The following ANK3 variants were observed in gnomAD, a reference collection of about 807,000 sequenced individuals.
ANK3 encodes the protein ankyrin-3.
In ANK3, 57 loss-of-function variants were observed where a neutral mutation model predicts 370.9. The ratio of observed to expected loss-of-function variants is 0.15; its 90% CI spans 0.12 to 0.19. The LOEUF (loss-of-function observed/expected upper bound fraction) is 0.19. ANK3 is among the 10% of genes least tolerant of loss of function. The pLI is 1.00. For synonymous variants in ANK3, 1,929 were observed against 1,946.3 expected (o/e 0.99, Z 0.23); for missense variants, 4,439 against 5,302.1 (o/e 0.84, Z 5.06).
chr10:60,103,044 G>A lies in ANK3; in HGVS notation c.3328+2861C>T, dbSNP rs918842916. On this transcript the variant is annotated intron_variant, in intron 28 of 43. Transcript: ENST00000280772. Reference sequence around the variant, plus strand: ...TGGCTCACTGCAACCTGCGCCTCCCGGGTTCAAGTGATTCTCTTGCCTCAG... The same window carrying A: ...TGGCTCACTGCAACCTGCGCCTCCCAGGTTCAAGTGATTCTCTTGCCTCAG... Among the ~76,000 whole-genome samples the A allele has an allele frequency of 7.9e-5, 12 of 151,882 alleles. 1 individual carries two copies. The highest frequency in any genetic ancestry group is 4.2e-4 in the South Asian group (2 of 4,812).
rs1188835132 is a variant in ANK3 at position 60,205,885 on chromosome 10, G to A, written c.1200C>T (p.Gly400=). 1.9e-6 allele frequency: 3 copies of A among 1,608,502 alleles called. No homozygotes were observed. The highest frequency in any genetic ancestry group is 1.6e-4 in the Middle Eastern group (1 of 6,082). The change falls in exon 11 of 44, where the codon GGC becomes GGT. Residue 400 remains glycine (G), a synonymous_variant. Coordinates refer to ENST00000280772, the MANE Select transcript of ANK3 (RefSeq NM_020987.5). ...KANPNAKALN[G]FTPLHIACKK... ...TGCAGGCAATATGAAGAGGGGTAAA[G>A]CCATTCTGCAAGGGACAAATACATA... is the stretch of plus-strand genomic sequence containing the variant.
chr10:60,105,769 G>C, intron 28 of ANK3, 136 bp downstream of exon 28: 1 of 822,826 alleles, frequency 1.2e-6, no homozygotes, highest in South Asian at 2.5e-5. Flanking sequence ...ATAGAAAACA[G>C]CAACAAAAGC....
upstream of ANK3, chr10:60,390,026 A>C (rs1302896454): frequency 8.6e-6 from 1 of 116,502 alleles, no homozygotes; most frequent in Non-Finnish European, 1.7e-5. Flanking sequence ...CAATTTATAC[A>C]TCACCACTAG....
chr10:60,542,180 A>G (rs1031268792), intron 2 of ANK3, among the ~76,000 whole-genome samples: 1 of 151,188 alleles, frequency 6.6e-6, no homozygotes, highest in African/African-American at 2.4e-5. Flanking sequence ...TGAATTTTGG[A>G]CTCATTTGAT....
At chr10:60,178,920 G>T (rs778498509) in intron 18 of ANK3, among the ~76,000 whole-genome samples, 4 of 152,072 alleles carry the variant, frequency 2.6e-5, no homozygotes, top group East Asian at 1.9e-4. Flanking sequence ...ATGCAAAAGG[G>T]GGGTGGGGTA....
intron 2 of ANK3, among the ~76,000 whole-genome samples, chr10:60,430,443 T>C (rs1442712123): frequency 6.6e-6 from 1 of 151,608 alleles, no homozygotes; most frequent in Non-Finnish European, 1.5e-5. Context: ...AACTCCAAAC[T>C]GGCAGGGCTT....
At chr10:60,549,663 T>C (rs2077046795) in intron 2 of ANK3, among the ~76,000 whole-genome samples, 1 of 152,154 alleles carries the variant, frequency 6.6e-6, no homozygotes. Flanking sequence ...TTGAGGACTA[T>C]CAAATTTATT....
upstream of ANK3, among the ~76,000 whole-genome samples, chr10:60,392,376 G>C (rs568810033): frequency 1.3e-5 from 2 of 150,784 alleles, no homozygotes; most frequent in Non-Finnish European, 2.9e-5. Context: ...AAACTGGTAT[G>C]AATCTTTAAA....
intron 2 of ANK3, among the ~76,000 whole-genome samples, chr10:60,482,890 A>T (rs539618892): frequency 4.5e-4 from 68 of 152,348 alleles, no homozygotes; most frequent in African/African-American, 1.6e-3. Context: ...AAGAAAAAAG[A>T]AATAAAAGAC....
chr10:60,147,692 G>C (rs1451614416), intron 23 of ANK3, among the ~76,000 whole-genome samples: 2 of 151,908 alleles, frequency 1.3e-5, no homozygotes, highest in Non-Finnish European at 2.9e-5. Flanking sequence ...TAAGGTGAGG[G>C]GCACCTCCCC....
intron 2 of ANK3, among the ~76,000 whole-genome samples, chr10:60,421,273 G>C (rs1346628059): frequency 6.6e-6 from 1 of 152,032 alleles, no homozygotes; most frequent in Non-Finnish European, 1.5e-5. Flanking sequence ...TACAACATCT[G>C]AATATAATTA....
At chr10:60,202,702 T>A (rs1326846741) in intron 12 of ANK3, among the ~76,000 whole-genome samples, 1 of 150,668 alleles carries the variant, frequency 6.6e-6, no homozygotes, top group Non-Finnish European at 1.5e-5. Context: ...AAGCCAGGAG[T>A]TCAAGACCAG....
chr10:60,162,042 T>G (rs1182622041), intron 23 of ANK3, among the ~76,000 whole-genome samples: 6 of 152,206 alleles, frequency 3.9e-5, no homozygotes, highest in African/African-American at 1.4e-4. Flanking sequence ...ACAATTATTA[T>G]GTATCCATTA....
At chr10:60,353,532 T>G (rs1199639250) in intron 1 of ANK3, among the ~76,000 whole-genome samples, 3 of 152,176 alleles carry the variant, frequency 2.0e-5, no homozygotes, top group Non-Finnish European at 4.4e-5. Flanking sequence ...TTTTGCTCAT[T>G]AACAGAAACT....
chr10:60,180,615 C>CAAAA (rs990463587), intron 18 of ANK3, among the ~76,000 whole-genome samples: 51 of 106,010 alleles, frequency 4.8e-4, no homozygotes, highest in East Asian at 8.9e-4. Flanking sequence ...AAAAAAAAAC[C>CAAAA]AAAAAAAAAA....
chr10:60,064,341 G>A (rs569689476), intron 38 of ANK3, 53 bp from the exon 39 acceptor site: 60 of 1,509,430 alleles, frequency 4.0e-5, no homozygotes, highest in East Asian at 3.4e-4. Context: ...TTTATCACAC[G>A]TTTCATAAAA....
intron 38 of ANK3, 43 bp from the exon 39 acceptor site, chr10:60,064,331 T>C (rs764395778): frequency 6.5e-7 from 1 of 1,529,988 alleles, no homozygotes. Flanking sequence ...ATATTCTACT[T>C]TTATCACACG....
intron 2 of ANK3, among the ~76,000 whole-genome samples, chr10:60,523,389 C>T: frequency 8.7e-6 from 1 of 115,130 alleles, no homozygotes; most frequent in Non-Finnish European, 1.8e-5. Flanking sequence ...ATCCCTCCCC[C>T]CTCCCCCCAC....
In ANK3 at chr10:60,047,912, T is replaced by C. The variant is rs35322275; in HGVS notation, c.13066-5153A>G. On this transcript the variant is annotated intron_variant, in intron 42 of 43. Coordinates refer to ENST00000280772, the MANE Select transcript of ANK3 (RefSeq NM_020987.5). ...TAGAGATCAGAATTTTATCAGCACA[T>C]TCATTTAAGTCCCATGACAAATGGG... 3.3e-3 allele frequency among the ~76,000 whole-genome samples: 505 copies of C among 152,320 alleles called. 4 individuals are homozygous for C. The highest frequency in any genetic ancestry group is 3.4e-3 in the Non-Finnish European group (234 of 68,024).
Sources: allele counts gnomAD v4.1 joint callset (sites outside exome capture counted in the v4.1 genomes callset), GRCh38; gene constraint gnomAD v4.1.1; transcripts MANE v1.5; gene names NCBI Gene and HGNC (gene_info 2026-07-23, HGNC 2026-07-21).